Variants in MAP2 observed in about 807,000 individuals in gnomAD.
MAP2 encodes microtubule-associated protein 2.
In MAP2, 14 loss-of-function variants were observed where a neutral mutation model predicts 137.6. That is an observed-to-expected ratio of 0.10 (90% CI 0.07 to 0.16). MAP2 has a LOEUF of 0.16. MAP2 is among the 10% of genes least tolerant of loss of function. The probability of loss-of-function intolerance (pLI) is 1.00; values close to 1 mark genes in which losing one functional copy is unlikely to be tolerated. For synonymous variants in MAP2, 786 were observed against 782.3 expected, an observed-to-expected ratio of 1.00 and a Z score of -0.08; for missense variants, 2,088 against 2,191.5, an observed-to-expected ratio of 0.95 and a Z score of 0.94.
At chr2:209,546,592 G>C (rs1171142101) in intron 2 of MAP2, among the ~76,000 whole-genome samples, 2 of 152,118 alleles carry the variant, frequency 1.3e-5, no homozygotes, top group East Asian at 3.9e-4. Context: ...TATCAAAAAG[G>C]ATATCTATGG....
intron 4 of MAP2, among the ~76,000 whole-genome samples, chr2:209,627,785 T>C (rs1444303441): frequency 1.3e-5 from 2 of 152,158 alleles, no homozygotes; most frequent in Non-Finnish European, 2.9e-5. Context: ...AAGATTAATT[T>C]AGTGATACCA....
intron 2 of MAP2, among the ~76,000 whole-genome samples, chr2:209,531,948 T>C (rs904219436): frequency 1.3e-5 from 2 of 151,996 alleles, no homozygotes; most frequent in Non-Finnish European, 2.9e-5. Context: ...AACTAGAAAA[T>C]AGGACTTCAG....
chr2:209,485,950 G>C (rs1283773922), intron 1 of MAP2, among the ~76,000 whole-genome samples: 3 of 152,118 alleles, frequency 2.0e-5, no homozygotes, highest in Non-Finnish European at 2.9e-5. Context: ...CTTCTTTCTT[G>C]TTGCTTAAAT....
At chr2:209,483,990 G>T (rs2149865050) in intron 1 of MAP2, among the ~76,000 whole-genome samples, 1 of 152,220 alleles carries the variant, frequency 6.6e-6, no homozygotes. Flanking sequence ...CATCCCTGCA[G>T]GGAGCTGGGA....
intron 3 of MAP2, among the ~76,000 whole-genome samples, chr2:209,613,587 T>A (rs1478713764): frequency 6.6e-6 from 1 of 151,878 alleles, no homozygotes; most frequent in Non-Finnish European, 1.5e-5. Flanking sequence ...ATCAAGGAGC[T>A]CAGTGGGGCT....
chr2:209,519,215 A>G (rs1317660414), intron 2 of MAP2, among the ~76,000 whole-genome samples: 1 of 152,098 alleles, frequency 6.6e-6, no homozygotes, highest in Non-Finnish European at 1.5e-5. Context: ...AAGAAATCTC[A>G]CTTTTCTATA....
intron 1 of MAP2, among the ~76,000 whole-genome samples, chr2:209,450,279 C>T (rs1212294064): frequency 6.6e-6 from 1 of 152,122 alleles, no homozygotes; most frequent in African/African-American, 2.4e-5. Flanking sequence ...AACCTCACAT[C>T]CACTGGCCAA....
intron 2 of MAP2, among the ~76,000 whole-genome samples, chr2:209,575,793 C>T (rs1275822921): frequency 6.6e-6 from 1 of 152,036 alleles, no homozygotes; most frequent in Non-Finnish European, 1.5e-5. Context: ...AATGACTGCC[C>T]TCGTGGAACT....
At chr2:209,537,890 A>AAAT (rs575852589) in intron 2 of MAP2, among the ~76,000 whole-genome samples, 4 of 152,190 alleles carry the variant, frequency 2.6e-5, no homozygotes, top group Non-Finnish European at 5.9e-5. Flanking sequence ...ATAAGCACAG[A>AAAT]AATAATAATA....
chr2:209,520,661 C>T (rs1052857308), intron 2 of MAP2, among the ~76,000 whole-genome samples: 1 of 152,012 alleles, frequency 6.6e-6, no homozygotes, highest in African/African-American at 2.4e-5. Flanking sequence ...ATTCTTCAGG[C>T]CGCTTAAGAC....
At chr2:209,564,111 G>A (rs1196407828) in intron 2 of MAP2, among the ~76,000 whole-genome samples, 4 of 151,090 alleles carry the variant, frequency 2.6e-5, no homozygotes, top group East Asian at 1.9e-4. Flanking sequence ...TGTTATTACC[G>A]ATCGCAGCTA....
intron 1 of MAP2, among the ~76,000 whole-genome samples, chr2:209,442,758 T>C (rs902681415): frequency 5.3e-5 from 8 of 151,662 alleles, no homozygotes; most frequent in Admixed American, 2.0e-4. Flanking sequence ...ATGTTCATAA[T>C]GAAACTTATT....
At chr2:209,465,476 G>T (rs1703905027) in intron 1 of MAP2, among the ~76,000 whole-genome samples, 1 of 152,066 alleles carries the variant, frequency 6.6e-6, no homozygotes, top group African/African-American at 2.4e-5. Context: ...ATATGGTATT[G>T]CATGAAAACT....
chr2:209,660,929 A>G (rs2043286433), intron 5 of MAP2, among the ~76,000 whole-genome samples: 1 of 143,208 alleles, frequency 7.0e-6, no homozygotes, highest in Non-Finnish European at 1.5e-5. Flanking sequence ...TTTTTTTAGT[A>G]GAGACAGGGT....
chr2:209,479,593 C>G (rs1480680687), intron 1 of MAP2, among the ~76,000 whole-genome samples: 1 of 152,060 alleles, frequency 6.6e-6, no homozygotes, highest in Non-Finnish European at 1.5e-5. Context: ...TTTCAGCATT[C>G]TCAGAACCAA....
chr2:209,428,186 G>A (rs1693100586), intron 1 of MAP2, among the ~76,000 whole-genome samples: 1 of 152,126 alleles, frequency 6.6e-6, no homozygotes, highest in Admixed American at 6.5e-5. Context: ...CAAGACATAA[G>A]CTTTCCTTTG....
intron 1 of MAP2, among the ~76,000 whole-genome samples, chr2:209,485,699 T>G (rs1037789549): frequency 2.0e-5 from 3 of 152,212 alleles, no homozygotes; most frequent in Non-Finnish European, 4.4e-5. Flanking sequence ...TATAAGCTGT[T>G]AGTTTTAGTG....
chr2:209,540,944 C>T (rs2066919958), intron 2 of MAP2, among the ~76,000 whole-genome samples: 1 of 151,000 alleles, frequency 6.6e-6, no homozygotes, highest in Non-Finnish European at 1.5e-5. Flanking sequence ...GTTACGTTTA[C>T]ACTATACTGT....
intron 10 of MAP2, among the ~76,000 whole-genome samples, 165 bp from the exon 11 acceptor site, chr2:209,700,112 T>C (rs1205655140): frequency 1.3e-5 from 2 of 152,234 alleles, no homozygotes; most frequent in Non-Finnish European, 2.9e-5. Context: ...TGCTATGTTA[T>C]TGTTATTCAT....
Sources: allele counts gnomAD v4.1 joint callset (sites outside exome capture counted in the v4.1 genomes callset), GRCh38; gene constraint gnomAD v4.1.1; transcripts MANE v1.5; gene names NCBI Gene and HGNC (gene_info 2026-07-23, HGNC 2026-07-21).